FRAS1: variants seen among roughly 807,000 people sequenced by gnomAD.
The protein encoded by FRAS1 is extracellular matrix organizing protein FRAS1.
Under a neutral mutation model 435.2 loss-of-function variants are expected in FRAS1, and 290 were observed. The ratio of observed to expected loss-of-function variants is 0.67; its 90% CI spans 0.61 to 0.73. The LOEUF is 0.73. Ranked by LOEUF, FRAS1 falls within the 30% of genes least tolerant of loss-of-function variation. The pLI is 0.00. For missense variants in FRAS1, 4,860 were observed against 5,001.5 expected, an observed-to-expected ratio of 0.97 and a Z score of 0.85; for synonymous variants, 1,800 against 1,851.0, an observed-to-expected ratio of 0.97 and a Z score of 0.71.
Position 78,379,746 on chromosome 4 carries a change from C to A in FRAS1, c.3313C>A (p.Leu1105Ile). Reference sequence around the variant, plus strand: ...TTCAGGCAAAATACACACCCCTAGTCTTCATGTGAATGGTTCCCTGATCCT... The same window carrying A: ...TTCAGGCAAAATACACACCCCTAGTATTCATGTGAATGGTTCCCTGATCCT... ...TCSGKIHTPS[L>I]HVNGSLILPI... is the part of the protein sequence containing the mutation. The change falls in exon 27 of 74, where the codon CTT becomes ATT. Residue 1105 changes from leucine (L) to isoleucine (I), a missense_variant. Physicochemically the swap from Leu to Ile is conservative, Grantham distance 5. Transcript: ENST00000512123. 6.2e-7 allele frequency: 1 copy of A among 1,613,540 alleles called. No homozygotes were observed. Among genetic ancestry groups the A allele is most frequent in the Non-Finnish European group, 8.5e-7 (1 of 1,179,772 alleles).
chr4:78,387,646 C>A lies in FRAS1; in HGVS notation c.3920C>A (p.Ala1307Asp), dbSNP rs1266317371. The change falls in exon 29 of 74, where the codon GCC (alanine) becomes GAC (aspartate). Residue 1307 changes from alanine to aspartate, a missense_variant. Transcript: ENST00000512123. Reference protein sequence around the residue: ...DSTSDVAVLQANDGHSFHNIL... With the variant: ...DSTSDVAVLQDNDGHSFHNIL... ...ACATCCGATGTTGCAGTCTTGCAGGCCAATGATGGACACTCCTTCCATAAT... is the reference window on the plus strand; with the variant it reads ...ACATCCGATGTTGCAGTCTTGCAGGACAATGATGGACACTCCTTCCATAAT... 3 of 1,602,100 alleles carry A rather than the reference C, an allele frequency of 1.9e-6. No homozygotes were observed. Among genetic ancestry groups the A allele is most frequent in the Non-Finnish European group, 2.6e-6 (3 of 1,172,484 alleles).
intron 14 of FRAS1, among the ~76,000 whole-genome samples, chr4:78,290,295 T>C (rs1727824739): frequency 2.0e-5 from 3 of 152,216 alleles, no homozygotes; most frequent in Non-Finnish European, 4.4e-5. Context: ...ACTTATTTTA[T>C]TCACAAAGGC....
chr4:78,473,709 T>C (rs754939931), intron 53 of FRAS1, 112 bp downstream of exon 53: 1 of 694,878 alleles, frequency 1.4e-6, no homozygotes, highest in Admixed American at 3.1e-5. Context: ...GCGGTGATGG[T>C]GATGATGGCA....
rs150329610 is a variant in FRAS1 at position 78,327,026 on chromosome 4, A to T, written c.2138-6246A>T. On this transcript the variant is annotated intron_variant, in intron 18 of 73. Transcript: ENST00000512123. ...GAATTTCTAATCTAGTCAGAATGAG[A>T]GATTGGGGATGTTGAATCATGTTCA... 1.8e-4 allele frequency among the ~76,000 whole-genome samples: 27 copies of T among 152,218 alleles called. No homozygotes were observed. The East Asian group carries it at 5.2e-3, about 29-fold the overall frequency.
intron 29 of FRAS1, among the ~76,000 whole-genome samples, chr4:78,399,570 A>G (rs964848788): frequency 1.7e-4 from 26 of 152,278 alleles, no homozygotes; most frequent in African/African-American, 6.0e-4. Flanking sequence ...TTTTAATGAT[A>G]TTAGCTTTAG....
At chr4:78,492,168 A>G (rs1013136782) in intron 59 of FRAS1, among the ~76,000 whole-genome samples, 5 of 152,166 alleles carry the variant, frequency 3.3e-5, no homozygotes, top group African/African-American at 1.2e-4. Context: ...ATGGAAAAAT[A>G]TTCCATGCTC....
At position 78,363,504 on chromosome 4, in the gene FRAS1, C is replaced by T. The variant is rs1392224574; in HGVS notation, c.2423-9C>T. 6.2e-7 allele frequency: 1 copy of T among 1,604,608 alleles called. No individual in the cohort carries two copies. Among genetic ancestry groups the T allele is most frequent in the East Asian group, 2.2e-5 (1 of 44,698 alleles). On this transcript the variant is annotated splice_polypyrimidine_tract_variant and intron_variant, in intron 20 of 73. Coordinates refer to ENST00000512123, the MANE Select transcript of FRAS1 (RefSeq NM_025074.7). ...CCGTGCCTTCTCTGTGCTCCCCTTC[C>T]CCCTCCAGACTGCCATCACCTGTGC...
At chr4:78,334,717 G>A (rs1181235100) in intron 19 of FRAS1, among the ~76,000 whole-genome samples, 1 of 151,918 alleles carries the variant, frequency 6.6e-6, no homozygotes, top group African/African-American at 2.4e-5. Context: ...ACAGATACGT[G>A]TGTGTATATT....
intron 29 of FRAS1, among the ~76,000 whole-genome samples, chr4:78,395,874 C>G (rs1047629185): frequency 3.9e-5 from 6 of 151,996 alleles, no homozygotes; most frequent in Admixed American, 1.3e-4. Context: ...TAGGTAAGAA[C>G]TTACCTATTG....
At chr4:78,392,177 T>G (rs1407942887) in intron 29 of FRAS1, among the ~76,000 whole-genome samples, 1 of 152,186 alleles carries the variant, frequency 6.6e-6, no homozygotes, top group Non-Finnish European at 1.5e-5. Flanking sequence ...TTATCTTTCC[T>G]GCTTTCTTTA....
chr4:78,104,604 G>A (rs1262028282), intron 2 of FRAS1, among the ~76,000 whole-genome samples: 1 of 152,120 alleles, frequency 6.6e-6, no homozygotes, highest in East Asian at 1.9e-4. Flanking sequence ...TCATTTAAAG[G>A]AGAAAAGTAG....
intron 2 of FRAS1, among the ~76,000 whole-genome samples, chr4:78,094,775 A>G (rs1040110299): frequency 6.6e-6 from 1 of 152,170 alleles, no homozygotes. Flanking sequence ...GTAGTACTTT[A>G]TACCTTAGAG....
chr4:78,162,052 A>T (rs1721166222), intron 2 of FRAS1, among the ~76,000 whole-genome samples: 1 of 152,154 alleles, frequency 6.6e-6, no homozygotes, highest in Admixed American at 6.5e-5. Context: ...ATAGAATATA[A>T]AAAAGCATAA....
chr4:78,155,062 C>G (rs1720825636), intron 2 of FRAS1, among the ~76,000 whole-genome samples: 1 of 152,190 alleles, frequency 6.6e-6, no homozygotes, highest in African/African-American at 2.4e-5. Context: ...CACCACTTCT[C>G]TATTATCTTC....
At chr4:78,377,642 G>A (rs1731827432) in intron 26 of FRAS1, among the ~76,000 whole-genome samples, 1 of 152,194 alleles carries the variant, frequency 6.6e-6, no homozygotes, top group Non-Finnish European at 1.5e-5. Context: ...TTCTAAGTAT[G>A]AGCCCCTGAT....
At chr4:78,435,456 T>C (rs1734382087) in intron 38 of FRAS1, among the ~76,000 whole-genome samples, 2 of 152,124 alleles carry the variant, frequency 1.3e-5, no homozygotes, top group African/African-American at 2.4e-5. Flanking sequence ...ACAGAGATGC[T>C]AGCTGGGTGC....
chr4:78,493,249 T>C (rs1036657808), intron 59 of FRAS1, among the ~76,000 whole-genome samples: 2 of 152,212 alleles, frequency 1.3e-5, no homozygotes, highest in South Asian at 4.1e-4. Flanking sequence ...AGGATGGTGA[T>C]TCCTCAAGGA....
At chr4:78,074,083 G>A (rs966536721) in intron 2 of FRAS1, among the ~76,000 whole-genome samples, 24 of 130,538 alleles carry the variant, frequency 1.8e-4, no homozygotes, top group Middle Eastern at 5.7e-3. Flanking sequence ...TGACCTGTGA[G>A]TTCTTTTCTG....
chr4:78,092,313 C>A (rs1277996794), intron 2 of FRAS1, among the ~76,000 whole-genome samples: 2 of 152,082 alleles, frequency 1.3e-5, no homozygotes, highest in Non-Finnish European at 2.9e-5. Flanking sequence ...TTTCATGCTG[C>A]TGATAAAGAC....
Sources: gnomAD v4.1 joint callset for allele counts (sites outside exome capture counted in the v4.1 genomes callset) on GRCh38, gnomAD v4.1.1 for gene constraint, MANE v1.5 for transcripts, NCBI Gene and HGNC (gene_info 2026-07-23, HGNC 2026-07-21) for gene names.